The following NUP210L variants were observed in gnomAD, a reference collection of about 807,000 sequenced individuals.
The protein encoded by NUP210L is nucleoporin 210 like.
In NUP210L, 74 loss-of-function variants were observed where a neutral mutation model predicts 208.5. The ratio of observed to expected loss-of-function variants is 0.35; its 90% CI spans 0.29 to 0.43. The LOEUF is 0.43. NUP210L is among the 20% of genes least tolerant of loss of function. The probability of loss-of-function intolerance (pLI) is 1.00; values close to 1 mark genes in which losing one functional copy is unlikely to be tolerated. For synonymous variants in NUP210L, 780 were observed against 816.9 expected (o/e 0.95, Z 0.77); for missense variants, 1,843 against 2,289.4 (o/e 0.81, Z 3.98).
intron 27 of NUP210L, among the ~76,000 whole-genome samples, chr1:154,030,891 G>A (rs1240818344): frequency 6.6e-6 from 1 of 151,870 alleles, no homozygotes; most frequent in Non-Finnish European, 1.5e-5. Flanking sequence ...GCCACCATGT[G>A]CCAATTAGTC....
At chr1:154,027,097 CAAAA>C (rs770084247) in intron 29 of NUP210L, among the ~76,000 whole-genome samples, 4 of 108,880 alleles carry the variant, frequency 3.7e-5, no homozygotes, top group Non-Finnish European at 5.6e-5. Flanking sequence ...AAAAAAAAAA[CAAAA>C]AAAAAAAAAC....
chr1:154,155,109 A>G (rs777859587), exon 1 of NUP210L: 2 of 1,179,286 alleles, frequency 1.7e-6, no homozygotes, highest in Non-Finnish European at 2.5e-6. Context: ...CAGCCAATCC[A>G]CAGGCGTGAC....
In NUP210L at chr1:154,019,265, A is replaced by G. The variant is rs2297898; in HGVS notation, c.4517-196T>C. Among the ~76,000 whole-genome samples the G allele has an allele frequency of 1.0e-3, 154 of 152,304 alleles. 3 individuals are homozygous for G. In the East Asian group the frequency reaches 0.027, roughly 26 times the overall value. On this transcript the variant is annotated intron_variant, in intron 32 of 39. Transcript: ENST00000368559. ...TCATGCCAGCAAAATAAAGAATCAT[A>G]AGAAGAGCTACGTAGTTGGAGAATG...
rs1162238072 is a variant in NUP210L, at chr1:154,099,995, T to C, written c.1965+3A>G. ...GCCAGTTCCTTACCATGAAATATCTTACCTTTAGGGGTTCATAAGCAGCAA... is the reference window on the plus strand; with the variant it reads ...GCCAGTTCCTTACCATGAAATATCTCACCTTTAGGGGTTCATAAGCAGCAA... On this transcript the variant is annotated splice_donor_region_variant and intron_variant, in intron 14 of 39. Transcript: ENST00000368559. The C allele has an allele frequency of 1.2e-6, 2 of 1,614,008 alleles. No individual in the cohort carries two copies. Among genetic ancestry groups the C allele is most frequent in the Non-Finnish European group, 1.7e-6 (2 of 1,179,876 alleles).
intron 27 of NUP210L, among the ~76,000 whole-genome samples, chr1:154,034,995 C>T (rs1008736081): frequency 6.6e-6 from 1 of 151,978 alleles, no homozygotes; most frequent in African/African-American, 2.4e-5. Context: ...GTGTGTACCA[C>T]CATGCCTGGC....
intron 13 of NUP210L, among the ~76,000 whole-genome samples, chr1:154,101,602 A>AAT (rs1553235770): frequency 4.6e-5 from 7 of 151,988 alleles, no homozygotes; most frequent in Admixed American, 6.6e-5. Context: ...GTACAGTGGG[A>AAT]ATATATATAT....
chr1:154,143,431 T>C lies in NUP210L; in HGVS notation c.472+15A>G, dbSNP rs1658953890. 4 of 1,608,534 alleles carry C rather than the reference T, an allele frequency of 2.5e-6. No individual in the cohort carries two copies. The Admixed American group carries it at 6.9e-5, about 28-fold the overall frequency. ...TATTTTAGGTAATTTTGTTGAATCC[T>C]CTGAAGTTCTTTACCTTCAGCATCC... On this transcript the variant is annotated intron_variant, in intron 3 of 39. Coordinates refer to ENST00000368559, the Ensembl canonical transcript of NUP210L.
At chr1:154,108,034 T>C (rs1352509037) in intron 12 of NUP210L, among the ~76,000 whole-genome samples, 2 of 152,064 alleles carry the variant, frequency 1.3e-5, no homozygotes, top group African/African-American at 4.8e-5. Flanking sequence ...GTAGAAAGAC[T>C]AAAAGAAGAA....
intron 23 of NUP210L, among the ~76,000 whole-genome samples, chr1:154,055,353 C>T (rs535948954): frequency 1.1e-4 from 17 of 151,976 alleles, no homozygotes; most frequent in Admixed American, 2.6e-4. Context: ...CAGGTTCAAG[C>T]GATTCTCCTG....
chr1:154,121,595 G>A (rs776970574), intron 10 of NUP210L, among the ~76,000 whole-genome samples: 6 of 152,138 alleles, frequency 3.9e-5, no homozygotes, highest in Admixed American at 6.6e-5. Context: ...GGCTGAAAGC[G>A]GTGGCTCACG....
At chr1:154,096,907 C>T (rs898995418) in intron 14 of NUP210L, among the ~76,000 whole-genome samples, 2 of 152,000 alleles carry the variant, frequency 1.3e-5, no homozygotes, top group African/African-American at 4.8e-5. Flanking sequence ...ATGGCAAAAC[C>T]CCATATCTAC....
chr1:154,133,712 G>T (rs573400190), intron 7 of NUP210L, among the ~76,000 whole-genome samples: 3 of 151,366 alleles, frequency 2.0e-5, no homozygotes, highest in Non-Finnish European at 4.4e-5. Flanking sequence ...GTGGTGGCAC[G>T]TGCCTGTGGT....
At chr1:154,005,873 G>T (rs555969323) in intron 35 of NUP210L, among the ~76,000 whole-genome samples, 1 of 152,110 alleles carries the variant, frequency 6.6e-6, no homozygotes, top group South Asian at 2.1e-4. Flanking sequence ...ACAGGCATGC[G>T]CCATCACACC....
chr1:154,072,054 C>T (rs907128828), intron 16 of NUP210L, among the ~76,000 whole-genome samples: 1 of 151,882 alleles, frequency 6.6e-6, no homozygotes, highest in Non-Finnish European at 1.5e-5. Context: ...GTTGGTTCCA[C>T]ATTTTTGCAA....
intron 27 of NUP210L, among the ~76,000 whole-genome samples, chr1:154,043,202 TAG>T (rs1652988527): frequency 6.6e-6 from 1 of 150,622 alleles, no homozygotes; most frequent in Non-Finnish European, 1.5e-5. Flanking sequence ...GTATTTTTGG[TAG>T]AGACGGGGTT....
At chr1:154,140,901 G>A (rs1658824136) in intron 4 of NUP210L, among the ~76,000 whole-genome samples, 1 of 150,916 alleles carries the variant, frequency 6.6e-6, no homozygotes, top group Admixed American at 6.6e-5. Context: ...GGCTGAGGCA[G>A]GAGAATGGCG....
intron 5 of NUP210L, 116 bp from the exon 6 acceptor site, chr1:154,138,354 AT>A (rs1184271198): frequency 1.3e-5 from 12 of 913,760 alleles, no homozygotes; most frequent in African/African-American, 3.5e-5. Flanking sequence ...TTTTATAAAG[AT>A]TTTTTTAAAA....
chr1:154,103,729 AAAAC>A (rs1233184339), intron 13 of NUP210L, among the ~76,000 whole-genome samples: 1 of 152,064 alleles, frequency 6.6e-6, no homozygotes, highest in Non-Finnish European at 1.5e-5. Flanking sequence ...TCAAAAAACA[AAAAC>A]AAACAAACAA....
chr1:154,082,299 G>C (rs1289056826), intron 16 of NUP210L, among the ~76,000 whole-genome samples: 1 of 152,130 alleles, frequency 6.6e-6, no homozygotes, highest in Non-Finnish European at 1.5e-5. Context: ...TAAAACCGTG[G>C]AGTCAGCTAA....
Sources: gnomAD v4.1 joint callset for allele counts (sites outside exome capture counted in the v4.1 genomes callset) on GRCh38, gnomAD v4.1.1 for gene constraint, MANE v1.5 for transcripts, NCBI Gene and HGNC (gene_info 2026-07-23, HGNC 2026-07-21) for gene names.